RPS6KA4: variants seen among roughly 807,000 people sequenced by gnomAD.
The protein encoded by RPS6KA4 is ribosomal protein S6 kinase alpha-4.
Under a neutral mutation model 89.6 loss-of-function variants are expected in RPS6KA4, and 38 were observed. The observed-to-expected ratio is 0.42, with a 90% confidence interval of 0.33 to 0.56. RPS6KA4 has a LOEUF of 0.56. Ranked by LOEUF, RPS6KA4 falls within the 20% of genes least tolerant of loss-of-function variation. The pLI is 0.07. For synonymous variants in RPS6KA4, 495 were observed against 492.8 expected (o/e 1.00, Z -0.06); for missense variants, 873 against 1,098.8 (o/e 0.79, Z 2.90).
intron 12 of RPS6KA4, 121 bp downstream of exon 12, chr11:64,368,918 AG>A: frequency 1.1e-6 from 1 of 921,946 alleles, no homozygotes; most frequent in Non-Finnish European, 1.6e-6. Context: ...CGGGGCCCAA[AG>A]GGACCAGGGA....
intron 2 of RPS6KA4, among the ~76,000 whole-genome samples, 153 bp from the exon 3 acceptor site, chr11:64,360,010 A>G (rs2036699109): frequency 6.6e-6 from 1 of 151,770 alleles, no homozygotes; most frequent in African/African-American, 2.4e-5. Context: ...CCCTTTCCTT[A>G]GAAGGCTCTG....
chr11:64,360,555 G>C lies in RPS6KA4; in HGVS notation c.425G>C (p.Gly142Ala). The part of the protein sequence containing the change: ...YFKEAEVRVY[G>A]GEIVLALEHL... Reference sequence around the variant, plus strand: ...AAGGAGGCTGAGGTGCGCGTGTATGGGGGTGAGATCGTGCTGGCCCTGGAA... The same window carrying C: ...AAGGAGGCTGAGGTGCGCGTGTATGCGGGTGAGATCGTGCTGGCCCTGGAA... Residue 142 changes from glycine (G) to alanine (A), a missense_variant, in exon 4 of 17, where the codon GGG becomes GCG. Physicochemically the swap from Gly to Ala is moderately conservative, Grantham distance 60. Transcript: ENST00000334205. 1.2e-6 allele frequency: 2 copies of C among 1,611,926 alleles called. No individual in the cohort carries two copies. Among genetic ancestry groups the C allele is most frequent in the Non-Finnish European group, 1.7e-6 (2 of 1,179,132 alleles).
intron 12 of RPS6KA4, 25 bp from the exon 13 acceptor site, chr11:64,369,421 C>A (rs546140501): frequency 1.2e-5 from 18 of 1,561,594 alleles, no homozygotes; most frequent in East Asian, 7.0e-5. Context: ...TGGGTGTTGA[C>A]CTTGGCCCGC....
rs1489576277 is a variant in RPS6KA4, at chr11:64,365,481, T to C, written c.1071+16T>C. On this transcript the variant is annotated intron_variant, in intron 9 of 16. Coordinates refer to ENST00000334205, the MANE Select transcript of RPS6KA4 (RefSeq NM_003942.3). ...AATCTTTCAGGTGAGGGGAAACTCA[T>C]GGAACCCAGATGCAGGAGAGATGAG... 1 of 1,613,404 alleles carries C rather than the reference T, an allele frequency of 6.2e-7. No homozygotes were observed. The highest frequency in any genetic ancestry group is 2.2e-5 in the East Asian group (1 of 44,866).
intron 8 of RPS6KA4, among the ~76,000 whole-genome samples, chr11:64,362,734 G>T (rs1268831826): frequency 6.6e-6 from 1 of 152,194 alleles, no homozygotes; most frequent in Admixed American, 6.5e-5. Context: ...GCAGTGGCAC[G>T]ATCTCGGCTC....
chr11:64,359,381 AC>A lies in RPS6KA4; in HGVS notation c.61del (p.Leu21Ter). 6.2e-7 allele frequency: 1 copy of A among 1,613,482 alleles called. No homozygotes were observed. Among genetic ancestry groups the A allele is most frequent in the Non-Finnish European group, 8.5e-7 (1 of 1,179,794 alleles). On this transcript the variant is annotated frameshift_variant, in exon 2 of 17. Coordinates refer to ENST00000334205, the MANE Select transcript of RPS6KA4 (RefSeq NM_003942.3). LOFTEE classifies it high-confidence loss of function. ...CATTCGCCCCCTGTGCCCACAGCCAACCTGACCGGGCACGAGGAGAAGGTGA... is the reference window on the plus strand; with the variant it reads ...CATTCGCCCCCTGTGCCCACAGCCAACTGACCGGGCACGAGGAGAAGGTGA... ...CAVELRITEA[N>X]LTGHEEKVSV...
intron 9 of RPS6KA4, 29 bp downstream of exon 9, chr11:64,365,494 C>T (rs780177332): frequency 6.2e-7 from 1 of 1,612,132 alleles, no homozygotes; most frequent in South Asian, 1.1e-5. Context: ...AACCCAGATG[C>T]AGGAGAGATG....
In RPS6KA4 at chr11:64,370,260, G is replaced by A. The variant is rs779242564; in HGVS notation, c.1833G>A (p.Gly611=). 2.2e-5 allele frequency: 34 copies of A among 1,574,994 alleles called. No homozygotes were observed. The highest frequency in any genetic ancestry group is 2.8e-5 in the Non-Finnish European group (33 of 1,168,104). ...MMLSGQVPFQ[G]ASGQGGQSQA... Reference sequence around the variant, plus strand: ...TGTCGGGGCAGGTCCCCTTCCAGGGGGCCTCTGGCCAGGGCGGGCAGAGCC... The same window carrying A: ...TGTCGGGGCAGGTCCCCTTCCAGGGAGCCTCTGGCCAGGGCGGGCAGAGCC... The change falls in exon 15 of 17, where the codon GGG becomes GGA. Residue 611 remains glycine, a synonymous_variant. Coordinates refer to ENST00000334205, the MANE Select transcript of RPS6KA4 (RefSeq NM_003942.3). The surrounding 1 kb of genome is among the most constrained non-coding windows in gnomAD (Gnocchi z 4.1).
In RPS6KA4 at chr11:64,368,701, C is replaced by A; in HGVS notation, c.1335-3C>A. Reference sequence around the variant, plus strand: ...CCGTAACTCCTTCTGCTCCGTCCCCCAGGCTGGAGGCGAACACGCAGCGCG... The same window carrying A: ...CCGTAACTCCTTCTGCTCCGTCCCCAAGGCTGGAGGCGAACACGCAGCGCG... On this transcript the variant is annotated splice_polypyrimidine_tract_variant and splice_region_variant and intron_variant, in intron 11 of 16. Coordinates refer to ENST00000334205, the MANE Select transcript of RPS6KA4 (RefSeq NM_003942.3). 1 of 1,577,320 alleles carries A rather than the reference C, an allele frequency of 6.3e-7. No individual in the cohort carries two copies. The highest frequency in any genetic ancestry group is 8.6e-7 in the Non-Finnish European group (1 of 1,162,040).
At position 64,368,695 on chromosome 11, in the gene RPS6KA4, G is replaced by C; in HGVS notation, c.1335-9G>C. ...CGGCGACCGTAACTCCTTCTGCTCC[G>C]TCCCCCAGGCTGGAGGCGAACACGC... On this transcript the variant is annotated splice_polypyrimidine_tract_variant and intron_variant, in intron 11 of 16. Coordinates refer to ENST00000334205, the MANE Select transcript of RPS6KA4 (RefSeq NM_003942.3). The C allele has an allele frequency of 6.3e-7, 1 of 1,576,446 alleles. No homozygotes were observed. Among genetic ancestry groups the C allele is most frequent in the South Asian group, 1.2e-5 (1 of 86,404 alleles).
In RPS6KA4 at chr11:64,369,574, C is replaced by A; in HGVS notation, c.1557C>A (p.Phe519Leu). Residue 519 changes from phenylalanine (F) to leucine (L), a missense_variant, in exon 13 of 17, where the codon TTC (phenylalanine) becomes TTA (leucine). This residue lies in a region of RPS6KA4 where 542 missense variants were observed against 736.4 expected (regional missense o/e 0.74). Coordinates refer to ENST00000334205, the MANE Select transcript of RPS6KA4 (RefSeq NM_003942.3). ...ILRSLVSAVS[F>L]MHEEAGVVHR... ...GCAGCCTCGTGTCGGCCGTGAGCTT[C>A]ATGCACGAGGAGGCGGGCGTGGTGC... 1 of 1,606,848 alleles carries A rather than the reference C, an allele frequency of 6.2e-7. No individual in the cohort carries two copies. The highest frequency in any genetic ancestry group is 8.5e-7 in the Non-Finnish European group (1 of 1,177,198).
Position 64,359,469 on chromosome 11 carries a change from G to T in RPS6KA4, c.127+20G>T. The T allele has an allele frequency of 6.2e-7, 1 of 1,612,354 alleles. No homozygotes were observed. On this transcript the variant is annotated intron_variant, in intron 2 of 16. Transcript: ENST00000334205. ...CGGGAGGTGAGGACCCCCATCCACC[G>T]GGCAGGCGTCCCAGGCGCGGTGCCC...
chr11:64,360,831 G>T (rs1333554661), intron 4 of RPS6KA4, among the ~76,000 whole-genome samples: 2 of 152,154 alleles, frequency 1.3e-5, no homozygotes, highest in East Asian at 3.9e-4. Context: ...GGAACTCGGG[G>T]CTGCGTTCAC....
intron 8 of RPS6KA4, among the ~76,000 whole-genome samples, chr11:64,364,770 G>A (rs1340976418): frequency 1.4e-5 from 2 of 139,240 alleles, no homozygotes; most frequent in African/African-American, 2.7e-5. Flanking sequence ...TGGGGTTTTC[G>A]CTCTTGTCGC....
chr11:64,368,190 A>G lies in RPS6KA4; in HGVS notation c.1130A>G (p.Asp377Gly), dbSNP rs1292506720. The G allele has an allele frequency of 1.2e-6, 2 of 1,613,616 alleles. No individual in the cohort carries two copies. Among genetic ancestry groups the G allele is most frequent in the Non-Finnish European group, 1.7e-6 (2 of 1,179,968 alleles). ...GACCACAACAACGCGGTGATGACCGATGGGCTGGAAGCGCCTGGTGCTGGA... is the reference window on the plus strand; with the variant it reads ...GACCACAACAACGCGGTGATGACCGGTGGGCTGGAAGCGCCTGGTGCTGGA... ...LFDHNNAVMT[D>G]GLEAPGAGDR... Residue 377 changes from aspartate to glycine, a missense_variant, in exon 10 of 17, where the codon GAT becomes GGT. This residue lies in a region of RPS6KA4 where 542 missense variants were observed against 736.4 expected (regional missense o/e 0.74). Coordinates refer to ENST00000334205, the MANE Select transcript of RPS6KA4 (RefSeq NM_003942.3).
Position 64,365,422 on chromosome 11 carries a change from C to A in RPS6KA4, c.1028C>A (p.Ser343Ter). 1 of 1,614,096 alleles carries A rather than the reference C, an allele frequency of 6.2e-7. No individual in the cohort carries two copies. Among genetic ancestry groups the A allele is most frequent in the Non-Finnish European group, 8.5e-7 (1 of 1,180,018 alleles). The change falls in exon 9 of 17, where the codon TCA becomes TAA. Residue 343 changes from serine (S) to a stop codon, truncating the protein, a stop_gained. Coordinates refer to ENST00000334205, the MANE Select transcript of RPS6KA4 (RefSeq NM_003942.3). LOFTEE classifies it high-confidence loss of function. ...EEFTRLEPVY[S>*]PPGSPPPGDP... The stretch of plus-strand genomic sequence containing the variant: ...TTCACTCGGCTGGAGCCTGTCTACT[C>A]ACCCCCTGGCAGCCCCCCACCTGGG...
chr11:64,362,576 C>T (rs1427687096), intron 8 of RPS6KA4, among the ~76,000 whole-genome samples: 1 of 152,236 alleles, frequency 6.6e-6, no homozygotes, highest in Non-Finnish European at 1.5e-5. Flanking sequence ...AGGGGCTGGG[C>T]CTGGCCAGCG....
intron 1 of RPS6KA4, 29 bp downstream of exon 1, chr11:64,359,319 C>G: frequency 6.2e-7 from 1 of 1,602,948 alleles, no homozygotes; most frequent in Non-Finnish European, 8.5e-7. Flanking sequence ...TGCGGCTGCC[C>G]GGGGCAGGCC....
intron 9 of RPS6KA4, 139 bp from the exon 10 acceptor site, chr11:64,367,993 T>C (rs942238194): frequency 1.2e-6 from 1 of 801,392 alleles, no homozygotes; most frequent in African/African-American, 1.7e-5. Flanking sequence ...ACATCCTGTG[T>C]GTACCAGAAT....
Sources: gnomAD v4.1 joint callset for allele counts (sites outside exome capture counted in the v4.1 genomes callset) on GRCh38, gnomAD v4.1.1 for gene constraint, gnomAD v4.1.1 regional missense constraint, Gnocchi (gnomAD v3.1) non-coding constraint, MANE v1.5 for transcripts, NCBI Gene and HGNC (gene_info 2026-07-23, HGNC 2026-07-21) for gene names.